Variants in EXOC4 observed in about 807,000 individuals in gnomAD.
EXOC4 encodes SEC8-like 1.
Under a neutral mutation model 107.2 loss-of-function variants are expected in EXOC4, and 71 were observed. That is an observed-to-expected ratio of 0.66 (90% CI 0.55 to 0.81). EXOC4 has a LOEUF of 0.81. Among genes scored for constraint, EXOC4 ranks in the 30% least tolerant of loss-of-function variants. EXOC4 has a pLI of 0.00. For missense variants in EXOC4, 1,108 were observed against 1,189.6 expected (o/e 0.93, Z 1.01); for synonymous variants, 456 against 441.2 (o/e 1.03, Z -0.42).
the EXOC4 span, among the ~76,000 whole-genome samples, chr7:134,083,528 G>T: frequency 1.3e-5 from 2 of 152,192 alleles, no homozygotes; most frequent in African/African-American, 4.8e-5. Context: ...TCACCTGATG[G>T]TACTAAGCTG....
intron 10 of EXOC4, among the ~76,000 whole-genome samples, chr7:133,775,932 ACAT>A (rs1796336280): frequency 6.6e-6 from 1 of 152,208 alleles, no homozygotes. Context: ...GAAGGAAACC[ACAT>A]CATCAGTTAT....
At chr7:133,642,041 T>C (rs1473809548) in intron 10 of EXOC4, among the ~76,000 whole-genome samples, 1 of 152,244 alleles carries the variant, frequency 6.6e-6, no homozygotes, top group Non-Finnish European at 1.5e-5. Flanking sequence ...TACATGTTTT[T>C]GATTGACATG....
intron 14 of EXOC4, among the ~76,000 whole-genome samples, chr7:133,968,556 A>G (rs1160368069): frequency 2.6e-5 from 4 of 152,026 alleles, no homozygotes; most frequent in Admixed American, 6.6e-5. Context: ...ATCTCTCAAC[A>G]TTTGCTTGTC....
intron 7 of EXOC4, among the ~76,000 whole-genome samples, chr7:133,463,941 C>T (rs1798655314): frequency 6.6e-6 from 1 of 151,998 alleles, no homozygotes. Context: ...CTCATTTGAC[C>T]CTGATGATAG....
At chr7:133,452,660 G>A (rs914264938) in intron 7 of EXOC4, among the ~76,000 whole-genome samples, 2 of 151,186 alleles carry the variant, frequency 1.3e-5, no homozygotes, top group Admixed American at 6.6e-5. Flanking sequence ...TAACTAAGTT[G>A]TTTGATTCTC....
At chr7:133,679,293 C>T (rs1406789856) in intron 10 of EXOC4, among the ~76,000 whole-genome samples, 2 of 151,986 alleles carry the variant, frequency 1.3e-5, no homozygotes, top group African/African-American at 2.4e-5. Flanking sequence ...TTTTCCCTTT[C>T]GCTACCTTTG....
At chr7:133,399,230 A>T (rs1797035462) in intron 7 of EXOC4, among the ~76,000 whole-genome samples, 1 of 152,258 alleles carries the variant, frequency 6.6e-6, no homozygotes, top group Non-Finnish European at 1.5e-5. Flanking sequence ...GATGGCTGCC[A>T]AGCCAATGTT....
chr7:133,489,736 C>T (rs1179935667), intron 9 of EXOC4, among the ~76,000 whole-genome samples: 1 of 151,998 alleles, frequency 6.6e-6, no homozygotes, highest in Non-Finnish European at 1.5e-5. Flanking sequence ...TCACTAGGCC[C>T]TCAGGATAAA....
At chr7:133,781,397 A>T (rs1432007945) in intron 10 of EXOC4, among the ~76,000 whole-genome samples, 1 of 152,250 alleles carries the variant, frequency 6.6e-6, no homozygotes, top group Non-Finnish European at 1.5e-5. Flanking sequence ...CTGAGGTGCC[A>T]TTAAAAGAAC....
chr7:133,294,982 G>A (rs571892246), intron 3 of EXOC4, among the ~76,000 whole-genome samples: 1 of 152,006 alleles, frequency 6.6e-6, no homozygotes, highest in Non-Finnish European at 1.5e-5. Context: ...TATCTCCAAG[G>A]GTTGTCGAAT....
chr7:134,006,995 A>G (rs550652769), intron 16 of EXOC4, among the ~76,000 whole-genome samples: 25 of 152,128 alleles, frequency 1.6e-4, no homozygotes, highest in Non-Finnish European at 3.1e-4. Flanking sequence ...GGGGGCCCCA[A>G]AATGTCCACA....
chr7:133,959,347 T>C (rs1392969914), intron 14 of EXOC4, among the ~76,000 whole-genome samples: 1 of 151,856 alleles, frequency 6.6e-6, no homozygotes, highest in Non-Finnish European at 1.5e-5. Context: ...TAGTATAGTA[T>C]ATGAAAGGAA....
chr7:133,402,146 T>C lies in EXOC4; in HGVS notation c.1182+27144T>C, dbSNP rs10229975. 1.5e-3 allele frequency among the ~76,000 whole-genome samples: 221 copies of C among 152,314 alleles called. 2 individuals are homozygous for C. The highest frequency in any genetic ancestry group is 4.9e-3 in the African/African-American group (205 of 41,580). ...GAAATGAAAATTTTCTTGCGGAAAG[T>C]ATTTAAAACAAGGACAAACTGTAGT... On this transcript the variant is annotated intron_variant, in intron 7 of 17. Coordinates refer to ENST00000253861, the MANE Select transcript of EXOC4 (RefSeq NM_021807.4).
intron 2 of EXOC4, among the ~76,000 whole-genome samples, chr7:133,285,228 C>T (rs950106900): frequency 6.6e-6 from 1 of 152,208 alleles, no homozygotes; most frequent in Admixed American, 6.5e-5. Context: ...TGTGCCATTG[C>T]GTTGTTGTTT....
At chr7:134,007,905 A>T in intron 17 of EXOC4, 70 bp downstream of exon 17, 2 of 1,393,916 alleles carry the variant, frequency 1.4e-6, no homozygotes. Flanking sequence ...AGTCATTTTT[A>T]AAAATAGACT....
At chr7:133,815,368 G>A (rs1797342508) in intron 10 of EXOC4, among the ~76,000 whole-genome samples, 1 of 133,594 alleles carries the variant, frequency 7.5e-6, no homozygotes, top group Admixed American at 7.8e-5. Context: ...GAGTAAGACT[G>A]CTTCAAAAAA....
At chr7:133,923,041 T>G (rs1799973500) in intron 13 of EXOC4, among the ~76,000 whole-genome samples, 1 of 151,442 alleles carries the variant, frequency 6.6e-6, no homozygotes, top group South Asian at 2.1e-4. Flanking sequence ...ATCCTAGGAG[T>G]AGAATTTCTG....
At chr7:133,775,964 A>C (rs76588116) in intron 10 of EXOC4, among the ~76,000 whole-genome samples, 1 of 152,168 alleles carries the variant, frequency 6.6e-6, no homozygotes, top group Non-Finnish European at 1.5e-5. Context: ...AATTGCATCT[A>C]TCTTCTTTTT....
chr7:133,663,252 C>T (rs757221056), intron 10 of EXOC4, among the ~76,000 whole-genome samples: 2 of 152,248 alleles, frequency 1.3e-5, no homozygotes, highest in Admixed American at 6.5e-5. Context: ...TTGTCTCCTC[C>T]CAACTCTGTC....
Sources: gnomAD v4.1 joint callset for allele counts (sites outside exome capture counted in the v4.1 genomes callset) on GRCh38, gnomAD v4.1.1 for gene constraint, MANE v1.5 for transcripts, NCBI Gene and HGNC (gene_info 2026-07-23, HGNC 2026-07-21) for gene names.